INSL6: variants seen among roughly 807,000 people sequenced by gnomAD.
The protein encoded by INSL6 is insulin like 6.
INSL6 carries 16 observed loss-of-function variants against 9.4 expected under a neutral mutation model. That is an observed-to-expected ratio of 1.70 (90% confidence interval 1.15 to 2.59). INSL6 has a LOEUF of 2.59. Ranked by LOEUF, INSL6 falls within the 30% of genes most tolerant of loss-of-function variation. The pLI, the probability that INSL6 is intolerant of heterozygous loss-of-function variation, is 0.00. For synonymous variants in INSL6, 154 were observed against 96.9 expected (o/e 1.59, Z -3.46); for missense variants, 391 against 257.3 (o/e 1.52, Z -3.56).
At chr9:5,106,550 G>T in the INSL6 span, among the ~76,000 whole-genome samples, 1 of 152,148 alleles carries the variant, frequency 6.6e-6, no homozygotes, top group Non-Finnish European at 1.5e-5. Context: ...CCATTACTGG[G>T]TATACACCCA....
the INSL6 span, among the ~76,000 whole-genome samples, chr9:5,064,523 C>G: frequency 7.0e-6 from 1 of 143,368 alleles, no homozygotes; most frequent in South Asian, 2.2e-4. Flanking sequence ...GAGCAAGACT[C>G]TCAAAAAAAA....
At chr9:5,032,258 A>G in the INSL6 span, among the ~76,000 whole-genome samples, 2 of 152,220 alleles carry the variant, frequency 1.3e-5, no homozygotes, top group African/African-American at 4.8e-5. Flanking sequence ...AGGAAGCTCA[A>G]ACTGGGTGGA....
At chr9:5,102,905 G>A in the INSL6 span, among the ~76,000 whole-genome samples, 4 of 152,006 alleles carry the variant, frequency 2.6e-5, no homozygotes, top group Non-Finnish European at 5.9e-5. Context: ...CACTAAACAT[G>A]GAAAGGAACA....
At chr9:5,022,901 A>G in the INSL6 span, among the ~76,000 whole-genome samples, 1 of 152,234 alleles carries the variant, frequency 6.6e-6, no homozygotes, top group African/African-American at 2.4e-5. Flanking sequence ...TGTAGAGGCA[A>G]ATTAAATGTC....
At chr9:5,133,363 G>C (rs1476302182) in intron 3 of INSL6, 3 of 152,028 alleles carry the variant, frequency 2.0e-5, no homozygotes, top group East Asian at 1.9e-4. Flanking sequence ...AAGAGTACTA[G>C]ATCTTTAAAT....
At chr9:5,087,980 A>G in the INSL6 span, among the ~76,000 whole-genome samples, 3,498 of 152,356 alleles carry the variant, frequency 0.023, 154 homozygotes, top group African/African-American at 0.081. Flanking sequence ...TAGTGGCACT[A>G]GAAAATAAAT....
the INSL6 span, chr9:5,114,415 A>G: frequency 4.0e-6 from 2 of 500,698 alleles, no homozygotes; most frequent in South Asian, 1.8e-5. Context: ...GACTGGATCA[A>G]GGGGGAGACC....
At chr9:5,149,190 G>A (rs1330109553) in intron 2 of INSL6, among the ~76,000 whole-genome samples, 2 of 152,190 alleles carry the variant, frequency 1.3e-5, no homozygotes, top group Non-Finnish European at 2.9e-5. Flanking sequence ...GATCCTAGAG[G>A]TACATGGCGA....
chr9:5,013,800 A>C, the INSL6 span, among the ~76,000 whole-genome samples: 1 of 152,146 alleles, frequency 6.6e-6, no homozygotes, highest in Non-Finnish European at 1.5e-5. Context: ...TTGTACTTAG[A>C]TGATGTGTAA....
chr9:5,051,963 A>C, the INSL6 span, among the ~76,000 whole-genome samples: 1 of 152,044 alleles, frequency 6.6e-6, no homozygotes, highest in African/African-American at 2.4e-5. Context: ...TCCAAAGCCC[A>C]AAGGAAAAAA....
chr9:4,996,332 G>C, the INSL6 span, among the ~76,000 whole-genome samples: 1 of 152,010 alleles, frequency 6.6e-6, no homozygotes, highest in African/African-American at 2.4e-5. Context: ...CCTGTAATCT[G>C]AGCTACTTGG....
At chr9:5,072,478 T>C in the INSL6 span, 3 of 1,517,072 alleles carry the variant, frequency 2.0e-6, no homozygotes, top group Non-Finnish European at 2.7e-6. Context: ...TTCTTTTACC[T>C]TTTTCTCTTG....
the INSL6 span, chr9:5,041,859 C>A: frequency 6.5e-6 from 3 of 462,186 alleles, no homozygotes; most frequent in East Asian, 1.2e-4. Context: ...CGCGGACGAC[C>A]CCATGGCCGG....
chr9:5,174,350 T>C (rs1477081670), intron 1 of INSL6, among the ~76,000 whole-genome samples: 2 of 152,304 alleles, frequency 1.3e-5, no homozygotes, highest in Admixed American at 1.3e-4. Flanking sequence ...CTAATCAGAC[T>C]TTCATTTCAT....
At chr9:5,042,613 G>A in the INSL6 span, among the ~76,000 whole-genome samples, 1 of 106,538 alleles carries the variant, frequency 9.4e-6, no homozygotes, top group Non-Finnish European at 1.8e-5. Flanking sequence ...CCAGCCAGCT[G>A]CCCCCGTTAG....
the INSL6 span, among the ~76,000 whole-genome samples, chr9:5,069,715 G>A: frequency 6.6e-6 from 1 of 152,046 alleles, no homozygotes; most frequent in Middle Eastern, 3.2e-3. Flanking sequence ...TTAAGGAAGT[G>A]ATTATAATTT....
the INSL6 span, among the ~76,000 whole-genome samples, chr9:5,092,011 A>G: frequency 6.6e-6 from 1 of 152,134 alleles, no homozygotes; most frequent in Admixed American, 6.5e-5. Context: ...CTAGGTGCTG[A>G]ACTGAGTTAA....
intron 1 of INSL6, among the ~76,000 whole-genome samples, chr9:5,167,806 A>T (rs1286390842): frequency 6.6e-6 from 1 of 152,188 alleles, no homozygotes; most frequent in Non-Finnish European, 1.5e-5. Context: ...GAGACCTCCC[A>T]ACAGGAGTGT....
At chr9:5,166,692 AAC>A (rs1564050890) in intron 1 of INSL6, among the ~76,000 whole-genome samples, 1 of 152,190 alleles carries the variant, frequency 6.6e-6, no homozygotes, top group Non-Finnish European at 1.5e-5. Flanking sequence ...CCTTCAAAAA[AAC>A]ACAGATATGG....
Sources: gnomAD v4.1 joint callset for allele counts (sites outside exome capture counted in the v4.1 genomes callset) on GRCh38, gnomAD v4.1.1 for gene constraint, MANE v1.5 for transcripts, NCBI Gene and HGNC (gene_info 2026-07-23, HGNC 2026-07-21) for gene names.